Variants in CFAP300 observed in about 807,000 individuals in gnomAD.
The protein encoded by CFAP300 is cilia- and flagella-associated protein 300.
CFAP300 carries 32 observed loss-of-function variants against 33.0 expected under a neutral mutation model. The observed-to-expected ratio is 0.97, with a 90% CI of 0.73 to 1.30. The LOEUF is 1.30. Ranked by LOEUF, CFAP300 falls within the 50% of genes most tolerant of loss-of-function variation. The pLI is 0.00. For synonymous variants in CFAP300, 102 were observed against 106.8 expected, an observed-to-expected ratio of 0.95 and a Z score of 0.28; for missense variants, 356 against 318.1, an observed-to-expected ratio of 1.12 and a Z score of -0.90.
chr11:102,064,297 T>C (rs1942192282), intron 3 of CFAP300, among the ~76,000 whole-genome samples: 1 of 152,228 alleles, frequency 6.6e-6, no homozygotes. Flanking sequence ...CCTCCTCCTG[T>C]GTCCACTGAC....
intron 2 of CFAP300, among the ~76,000 whole-genome samples, chr11:102,056,618 G>C (rs1942060647): frequency 4.0e-5 from 6 of 151,590 alleles, no homozygotes; most frequent in Admixed American, 3.9e-4. Flanking sequence ...TTTGTTTTTT[G>C]GGTTTTTTGT....
intron 3 of CFAP300, among the ~76,000 whole-genome samples, chr11:102,059,771 G>A (rs572267189): frequency 2.2e-4 from 33 of 152,150 alleles, no homozygotes; most frequent in African/African-American, 7.9e-4. Context: ...TGAGTACATG[G>A]GTACATGGAT....
chr11:102,050,251 A>G (rs1941949322), intron 2 of CFAP300, among the ~76,000 whole-genome samples: 1 of 152,206 alleles, frequency 6.6e-6, no homozygotes, highest in Non-Finnish European at 1.5e-5. Flanking sequence ...TCTTTACAAC[A>G]ATCTGCCAGG....
At chr11:102,057,869 A>G (rs1942083053) in intron 2 of CFAP300, 2 of 152,212 alleles carry the variant, frequency 1.3e-5, no homozygotes, top group Admixed American at 6.5e-5. Flanking sequence ...CAGCCATACC[A>G]CCCTGAATGC....
Position 102,055,047 on chromosome 11 carries a change from C to T in CFAP300, c.193-3833C>T, listed in dbSNP as rs184467116. Among the ~76,000 whole-genome samples, 316 of 150,560 alleles carry T rather than the reference C, an allele frequency of 2.1e-3. 4 individuals carry two copies. The highest frequency in any genetic ancestry group is 7.1e-3 in the African/African-American group (289 of 40,948). ...CCAGGCTGGGGTGCAGTGGTGCGAT[C>T]TCAGCTCACTGCAACCTCTGCCTCC... On this transcript the variant is annotated intron_variant, in intron 2 of 6. Coordinates refer to ENST00000434758, the MANE Select transcript of CFAP300 (RefSeq NM_032930.3).
At chr11:102,049,329 G>T (rs1195397536) in intron 2 of CFAP300, among the ~76,000 whole-genome samples, 2 of 152,094 alleles carry the variant, frequency 1.3e-5, no homozygotes, top group African/African-American at 4.8e-5. Flanking sequence ...CCCTTCATAT[G>T]TCTGCATCTC....
rs145107762 is a variant in CFAP300 at position 102,061,430 on chromosome 11, C to T, written c.268+2475C>T. Reference sequence around the variant, plus strand: ...TCTAAAGAAAGTGATGATGGAACCTCCTTCACTGTGCTGCACTCCCTGGAG... The same window carrying T: ...TCTAAAGAAAGTGATGATGGAACCTTCTTCACTGTGCTGCACTCCCTGGAG... On this transcript the variant is annotated intron_variant, in intron 3 of 6. Transcript: ENST00000434758. Among the ~76,000 whole-genome samples, 222 of 152,274 alleles carry T rather than the reference C, an allele frequency of 1.5e-3. 2 individuals are homozygous for T. The highest frequency in any genetic ancestry group is 5.1e-3 in the African/African-American group (210 of 41,564).
intron 2 of CFAP300, among the ~76,000 whole-genome samples, chr11:102,058,205 A>G (rs941206396): frequency 5.9e-5 from 9 of 152,092 alleles, no homozygotes; most frequent in Admixed American, 5.9e-4. Context: ...ACTCCCTGAG[A>G]TGCTTCTAAT....
At chr11:102,065,759 C>CTCCA (rs1942214627) in intron 3 of CFAP300, among the ~76,000 whole-genome samples, 2 of 151,480 alleles carry the variant, frequency 1.3e-5, no homozygotes, top group Middle Eastern at 3.4e-3. Context: ...AAGAGCAAAA[C>CTCCA]TCCATCTCAA....
chr11:102,060,576 T>A (rs1942135530), intron 3 of CFAP300, among the ~76,000 whole-genome samples: 1 of 151,842 alleles, frequency 6.6e-6, no homozygotes, highest in African/African-American at 2.4e-5. Context: ...ATAAGACTAT[T>A]TTGGGGAAAA....
At chr11:102,080,130 A>C (rs1419480194) in intron 5 of CFAP300, among the ~76,000 whole-genome samples, 2 of 152,198 alleles carry the variant, frequency 1.3e-5, no homozygotes, top group Non-Finnish European at 2.9e-5. Flanking sequence ...AAAATAAAAA[A>C]TAATAAAAAG....
intron 3 of CFAP300, among the ~76,000 whole-genome samples, chr11:102,060,432 A>T (rs548413052): frequency 9.2e-4 from 140 of 152,154 alleles, no homozygotes; most frequent in African/African-American, 3.2e-3. Flanking sequence ...ATATTTTCAT[A>T]ATGTATTATT....
At chr11:102,047,967 T>A (rs957526118) in intron 2 of CFAP300, 71 bp downstream of exon 2, 5 of 1,466,110 alleles carry the variant, frequency 3.4e-6, no homozygotes, top group African/African-American at 1.4e-5. Context: ...TTGGCATAGA[T>A]TCTTGTGAAC....
At chr11:102,048,891 T>C (rs1941927604) in intron 2 of CFAP300, among the ~76,000 whole-genome samples, 1 of 152,126 alleles carries the variant, frequency 6.6e-6, no homozygotes, top group Non-Finnish European at 1.5e-5. Flanking sequence ...ATGTCCTTCA[T>C]GCATTGACTG....
At chr11:102,052,365 C>T (rs1245985509) in intron 2 of CFAP300, among the ~76,000 whole-genome samples, 1 of 152,120 alleles carries the variant, frequency 6.6e-6, no homozygotes, top group Non-Finnish European at 1.5e-5. Context: ...GTATCTTTTT[C>T]AAAATGTACC....
intron 2 of CFAP300, among the ~76,000 whole-genome samples, chr11:102,052,525 G>A (rs2135012780): frequency 6.6e-6 from 1 of 152,260 alleles, no homozygotes; most frequent in African/African-American, 2.4e-5. Flanking sequence ...AAAAAAATGT[G>A]TTTACCTTTA....
chr11:102,049,992 T>A lies in CFAP300; in HGVS notation c.192+2096T>A, dbSNP rs960395442. Among the ~76,000 whole-genome samples the A allele has an allele frequency of 7.2e-5, 11 of 152,020 alleles. 1 individual carries two copies. Among genetic ancestry groups the A allele is most frequent in the South Asian group, 4.2e-4 (2 of 4,818 alleles). ...ATAGTGAGATCCTGTGGCTATTTTT[T>A]AAAAATTTTTTAATTAGCTGGGTGT... On this transcript the variant is annotated intron_variant, in intron 2 of 6. Transcript: ENST00000434758.
At position 102,076,022 on chromosome 11, in the gene CFAP300, G is replaced by C. The variant is rs376333708; in HGVS notation, c.585G>C (p.Lys195Asn). 1 of 1,612,318 alleles carries C rather than the reference G, an allele frequency of 6.2e-7. No homozygotes were observed. The highest frequency in any genetic ancestry group is 1.1e-5 in the South Asian group (1 of 90,466). ...DVISPYLETT[K>N]LIYKDLVSVR... ...TTAGCCCATATCTGGAAACAACAAA[G>C]CTTATCTATAAGGATCTGGTGAGGT... Residue 195 changes from lysine (K) to asparagine (N), a missense_variant, in exon 5 of 7, where the codon AAG becomes AAC. By Grantham distance (94) the Lys-to-Asn change is moderately conservative. Coordinates refer to ENST00000434758, the MANE Select transcript of CFAP300 (RefSeq NM_032930.3).
chr11:102,047,538 A>G lies in CFAP300; in HGVS notation c.68A>G (p.Gln23Arg). 1 of 1,536,024 alleles carries G rather than the reference A, an allele frequency of 6.5e-7. No homozygotes were observed. Among genetic ancestry groups the G allele is most frequent in the Non-Finnish European group, 8.7e-7 (1 of 1,146,812 alleles). ...YFRFLPQKTF[Q>R]SLSSKEITSR... ...AGGTTCTTGCCTCAGAAAACCTTCC[A>G]GTCTCTGAGCTCTAAGGAGATCACC... The change falls in exon 1 of 7, where the codon CAG (glutamine) becomes CGG (arginine). Residue 23 changes from glutamine to arginine, a missense_variant. Physicochemically the swap from Gln to Arg is conservative, Grantham distance 43. Transcript: ENST00000434758.
Sources: allele counts gnomAD v4.1 joint callset (sites outside exome capture counted in the v4.1 genomes callset), GRCh38; gene constraint gnomAD v4.1.1; transcripts MANE v1.5; gene names NCBI Gene and HGNC (gene_info 2026-07-23, HGNC 2026-07-21).